The following UNC13C variants were observed in gnomAD, a reference collection of about 807,000 sequenced individuals.
UNC13C encodes the protein unc-13 homolog C, also known as protein unc-13 homolog C.
Under a neutral mutation model 245.4 loss-of-function variants are expected in UNC13C, and 174 were observed. The ratio of observed to expected loss-of-function variants is 0.71; its 90% confidence interval spans 0.63 to 0.80. UNC13C has a LOEUF of 0.80. UNC13C is among the 30% of genes least tolerant of loss of function. UNC13C has a pLI of 0.00. For synonymous variants in UNC13C, 992 were observed against 895.1 expected, an observed-to-expected ratio of 1.11 and a Z score of -1.93; for missense variants, 2,829 against 2,602.9, an observed-to-expected ratio of 1.09 and a Z score of -1.89.
intron 10 of UNC13C, among the ~76,000 whole-genome samples, chr15:54,267,559 C>A (rs1005821452): frequency 2.6e-5 from 4 of 152,018 alleles, no homozygotes; most frequent in Admixed American, 6.6e-5. Context: ...ATTTCTGTAT[C>A]TATTGAGATG....
At chr15:54,567,570 C>T (rs1442331252) in intron 29 of UNC13C, among the ~76,000 whole-genome samples, 1 of 152,140 alleles carries the variant, frequency 6.6e-6, no homozygotes, top group Non-Finnish European at 1.5e-5. Context: ...GAGATAAAGG[C>T]TTAGGCCTTC....
At chr15:54,235,424 T>G (rs1186588004) in intron 5 of UNC13C, among the ~76,000 whole-genome samples, 1 of 152,238 alleles carries the variant, frequency 6.6e-6, no homozygotes, top group Non-Finnish European at 1.5e-5. Flanking sequence ...TTTAGTGTTA[T>G]GAATGACCAG....
At chr15:54,038,124 A>ATAAAAATTTTTTTTTTTTTTT in intron 2 of UNC13C, among the ~76,000 whole-genome samples, 7 of 45,034 alleles carry the variant, frequency 1.6e-4, no homozygotes, top group African/African-American at 7.4e-4. Flanking sequence ...ATATATATAT[A>ATAAAAATTTTTTTTTTTTTTT]TTTTTTTTTT....
intron 2 of UNC13C, among the ~76,000 whole-genome samples, chr15:54,089,935 C>T (rs948986958): frequency 1.3e-5 from 2 of 152,160 alleles, no homozygotes; most frequent in African/African-American, 2.4e-5. Flanking sequence ...CTGCTTCGGT[C>T]CTCAGTGGAC....
At chr15:54,149,099 C>G (rs1235210683) in intron 4 of UNC13C, among the ~76,000 whole-genome samples, 1 of 152,100 alleles carries the variant, frequency 6.6e-6, no homozygotes, top group African/African-American at 2.4e-5. Flanking sequence ...TGGCAATTCC[C>G]CCTGTCCCTG....
intron 1 of UNC13C, among the ~76,000 whole-genome samples, chr15:54,003,344 A>G (rs1276310027): frequency 6.6e-6 from 1 of 152,184 alleles, no homozygotes; most frequent in Non-Finnish European, 1.5e-5. Context: ...TGTGCATGTG[A>G]TTAGGAAAAT....
At chr15:53,953,513 G>A in the UNC13C span, among the ~76,000 whole-genome samples, 1 of 152,226 alleles carries the variant, frequency 6.6e-6, no homozygotes, top group Non-Finnish European at 1.5e-5. Context: ...TACAAGAGGA[G>A]CAAAATAGAG....
At chr15:53,916,047 G>T in the UNC13C span, among the ~76,000 whole-genome samples, 2 of 152,024 alleles carry the variant, frequency 1.3e-5, no homozygotes, top group East Asian at 1.9e-4. Context: ...CTGTATTTTT[G>T]AAATAAAACT....
At chr15:54,360,133 A>G (rs1254133559) in intron 17 of UNC13C, among the ~76,000 whole-genome samples, 1 of 151,826 alleles carries the variant, frequency 6.6e-6, no homozygotes, top group Non-Finnish European at 1.5e-5. Flanking sequence ...TTTGTTATTG[A>G]TTTTTAGGTT....
Position 54,511,642 on chromosome 15 carries a change from T to C in UNC13C, c.5380-111T>C, listed in dbSNP as rs762674061. On this transcript the variant is annotated intron_variant, in intron 23 of 32. Coordinates refer to ENST00000260323, the MANE Select transcript of UNC13C (RefSeq NM_001080534.3). ...AAATAGCAGAATTAGTATATACATC[T>C]AATATAATAGGAATCCAAGATAGCT... The C allele has an allele frequency of 6.1e-5, 43 of 709,354 alleles. No individual in the cohort carries two copies. In the Admixed American group the frequency reaches 9.2e-4, roughly 15 times the overall value. 43.9% of individuals were successfully genotyped at this position (709,354 alleles called of 1,614,324 possible).
At chr15:54,341,455 A>G (rs191556044) in intron 17 of UNC13C, among the ~76,000 whole-genome samples, 450 of 151,876 alleles carry the variant, frequency 3.0e-3, no homozygotes, top group African/African-American at 0.01. Context: ...GGGCTTAAAA[A>G]CTCACTATTG....
chr15:53,956,905 T>TGTGTGTGTGTGCGC, the UNC13C span, among the ~76,000 whole-genome samples: 1 of 151,394 alleles, frequency 6.6e-6, no homozygotes, highest in Admixed American at 6.6e-5. Context: ...TGTGTGTGTG[T>TGTGTGTGTGTGCGC]GCATGCACAC....
At chr15:53,894,533 C>T in the UNC13C span, among the ~76,000 whole-genome samples, 6 of 152,284 alleles carry the variant, frequency 3.9e-5, no homozygotes, top group African/African-American at 1.4e-4. Context: ...GGGCGAAAGT[C>T]TGCTGGCACA....
chr15:54,265,368 G>A lies in UNC13C; in HGVS notation c.3690G>A (p.Gln1230=). 6 of 1,570,024 alleles carry A rather than the reference G, an allele frequency of 3.8e-6. No homozygotes were observed. Among genetic ancestry groups the A allele is most frequent in the Non-Finnish European group, 5.2e-6 (6 of 1,155,718 alleles). The part of the protein sequence containing the change: ...AKITITVVSA[Q]GLQAKDKTGS... The stretch of plus-strand genomic sequence containing the variant: ...GGTTTATTTCAGTGGTTTCTGCACA[G>A]GGTCTACAGGCAAAAGATAAAACAG... The change falls in exon 10 of 33, where the codon CAG becomes CAA. Residue 1230 remains glutamine (Q), a synonymous_variant. Coordinates refer to ENST00000260323, the MANE Select transcript of UNC13C (RefSeq NM_001080534.3).
intron 4 of UNC13C, among the ~76,000 whole-genome samples, chr15:54,181,214 A>G (rs1291367059): frequency 6.6e-6 from 1 of 152,070 alleles, no homozygotes; most frequent in East Asian, 1.9e-4. Context: ...ATTCTTCTGC[A>G]TATGGCTACC....
intron 17 of UNC13C, among the ~76,000 whole-genome samples, chr15:54,348,263 C>G (rs2038904499): frequency 6.6e-6 from 1 of 152,078 alleles, no homozygotes; most frequent in African/African-American, 2.4e-5. Flanking sequence ...GGAATATCCT[C>G]CTTTCCTCTA....
intron 26 of UNC13C, among the ~76,000 whole-genome samples, chr15:54,544,976 G>A (rs1043753680): frequency 4.6e-5 from 7 of 152,120 alleles, no homozygotes; most frequent in African/African-American, 1.7e-4. Flanking sequence ...TCAAAAAAGA[G>A]CCTGTATAGC....
At chr15:54,102,991 T>G (rs1483872091) in intron 2 of UNC13C, among the ~76,000 whole-genome samples, 1 of 152,246 alleles carries the variant, frequency 6.6e-6, no homozygotes, top group Non-Finnish European at 1.5e-5. Context: ...TTAATACTTC[T>G]AGTCATGACA....
chr15:54,160,198 G>A (rs576000720), intron 4 of UNC13C, among the ~76,000 whole-genome samples: 4 of 151,640 alleles, frequency 2.6e-5, no homozygotes, highest in South Asian at 2.1e-4. Context: ...AATATGAAAC[G>A]GATAGTTAAA....
Sources: gnomAD v4.1 joint callset for allele counts (sites outside exome capture counted in the v4.1 genomes callset) on GRCh38, gnomAD v4.1.1 for gene constraint, MANE v1.5 for transcripts, NCBI Gene and HGNC (gene_info 2026-07-23, HGNC 2026-07-21) for gene names.